Variants in UGT1A6 observed in about 807,000 individuals in gnomAD.
UGT1A6 encodes the protein UDP-glucuronosyltransferase 1A6.
Under a neutral mutation model 44.4 loss-of-function variants are expected in UGT1A6, and 32 were observed. The ratio of observed to expected loss-of-function variants is 0.72; its 90% CI spans 0.54 to 0.97. The LOEUF is 0.97. Ranked by LOEUF, UGT1A6 falls within the 50% of genes least tolerant of loss-of-function variation. The probability of loss-of-function intolerance (pLI) is 0.00; values close to 1 mark genes in which losing one functional copy is unlikely to be tolerated. For synonymous variants in UGT1A6, 238 were observed against 248.5 expected (o/e 0.96, Z 0.40); for missense variants, 685 against 661.9 (o/e 1.03, Z -0.38).
chr2:233,771,102 C>T (rs1210654201), intron 4 of UGT1A6: 9 of 152,162 alleles, frequency 5.9e-5, no homozygotes, highest in Non-Finnish European at 1.3e-4. Context: ...AGGAAGACAG[C>T]ACTAAAGCAC....
At chr2:233,756,690 C>G (rs1266086020) in intron 1 of UGT1A6, among the ~76,000 whole-genome samples, 2 of 152,102 alleles carry the variant, frequency 1.3e-5, no homozygotes, top group Non-Finnish European at 2.9e-5. Flanking sequence ...TATATAATGA[C>G]GATGAATTTT....
rs1474583069 is a variant in UGT1A6, at chr2:233,693,013, C to A, written c.9C>A (p.Cys3Ter). The A allele has an allele frequency of 6.2e-7, 1 of 1,614,116 alleles. No homozygotes were observed. Among genetic ancestry groups the A allele is most frequent in the Non-Finnish European group, 8.5e-7 (1 of 1,180,018 alleles). The change falls in exon 1 of 5, where the codon TGC becomes TGA. Residue 3 changes from cysteine to a stop codon, truncating the protein, a stop_gained. Coordinates refer to ENST00000305139, the MANE Select transcript of UGT1A6 (RefSeq NM_001072.4). LOFTEE classifies it high-confidence loss of function. The part of the protein sequence containing the change: MA[C>*]LLRSFQRISA... ...CTTTAACTCTTTCCAGGATGGCCTG[C>A]CTCCTTCGCTCATTTCAGAGAATTT...
In UGT1A6 at chr2:233,769,857, CAA is replaced by C. The variant is rs879204025; in HGVS notation, c.1301+1434_1301+1435del. The C allele has an allele frequency of 0.032, 7,144 of 220,908 alleles. No individual in the cohort carries two copies. The highest frequency in any genetic ancestry group is 0.048 in the South Asian group (428 of 8,924). The allele number at this position is 220,908 out of a possible 1,614,324, so 13.7% of individuals were successfully genotyped here. Reference sequence around the variant, plus strand: ...TGGGCAACAGAGTGAGACCCTGTCTCAAAAAAAAAAAAAAAAATGAAAAGTCC... The same window carrying C: ...TGGGCAACAGAGTGAGACCCTGTCTCAAAAAAAAAAAAAAATGAAAAGTCC... On this transcript the variant is annotated intron_variant, in intron 4 of 4. Transcript: ENST00000305139. The surrounding 1 kb of genome is among the most constrained non-coding windows in gnomAD (Gnocchi z 4.4).
intron 1 of UGT1A6, chr2:233,712,902 G>A (rs1351189678): frequency 6.2e-7 from 1 of 1,609,502 alleles, no homozygotes; most frequent in Non-Finnish European, 8.5e-7. Context: ...TTTGCTAGGT[G>A]TCTCAGTGAC....
intron 1 of UGT1A6, among the ~76,000 whole-genome samples, chr2:233,709,579 A>G (rs936977036): frequency 6.6e-6 from 1 of 152,240 alleles, no homozygotes; most frequent in African/African-American, 2.4e-5. Flanking sequence ...AATTCAAAAA[A>G]TATACCAGGA....
At chr2:233,721,763 T>A in intron 1 of UGT1A6, 1 of 476,760 alleles carries the variant, frequency 2.1e-6, no homozygotes, top group African/African-American at 2.0e-5. Context: ...TCTAAATTGT[T>A]ATATTTAGCA....
intron 1 of UGT1A6, among the ~76,000 whole-genome samples, chr2:233,745,757 G>C (rs1464205566): frequency 6.7e-6 from 1 of 150,374 alleles, no homozygotes; most frequent in Non-Finnish European, 1.5e-5. Context: ...AGCAGAAGGG[G>C]TGGAGAGGAG....
rs35802766 is a variant in UGT1A6, at chr2:233,761,211, C to T, written c.862-5823C>T. Reference sequence around the variant, plus strand: ...TTCTTTCAGATGTATTACTTTGGATCGATTAACTAGCCCCAGATATATGCT... The same window carrying T: ...TTCTTTCAGATGTATTACTTTGGATTGATTAACTAGCCCCAGATATATGCT... On this transcript the variant is annotated intron_variant, in intron 1 of 4. Coordinates refer to ENST00000305139, the MANE Select transcript of UGT1A6 (RefSeq NM_001072.4). 81 of 1,613,620 alleles carry T rather than the reference C, an allele frequency of 5.0e-5. No homozygotes were observed. In the East Asian group the frequency reaches 6.7e-4, roughly 13 times the overall value.
intron 1 of UGT1A6, chr2:233,718,649 C>A: frequency 6.7e-7 from 1 of 1,503,052 alleles, no homozygotes; most frequent in South Asian, 1.3e-5. Flanking sequence ...GGGCCCATAA[C>A]GAAAGGCAGT....
chr2:233,720,567 T>C (rs1348899395), intron 1 of UGT1A6, among the ~76,000 whole-genome samples: 1 of 152,160 alleles, frequency 6.6e-6, no homozygotes, highest in Non-Finnish European at 1.5e-5. Flanking sequence ...GTGGGATCTA[T>C]TCTTTTTCCA....
intron 1 of UGT1A6, among the ~76,000 whole-genome samples, chr2:233,756,863 G>A (rs956259550): frequency 6.6e-6 from 1 of 152,072 alleles, no homozygotes; most frequent in Non-Finnish European, 1.5e-5. Flanking sequence ...GGTTCATAAA[G>A]GGTATTAGGT....
In UGT1A6 at chr2:233,692,971, C is replaced by CT; in HGVS notation, c.-31dup. 1 of 1,611,844 alleles carries CT rather than the reference C, an allele frequency of 6.2e-7. No homozygotes were observed. Among genetic ancestry groups the CT allele is most frequent in the Non-Finnish European group, 8.5e-7 (1 of 1,179,248 alleles). On this transcript the variant is annotated 5_prime_UTR_variant, in exon 1 of 5. Coordinates refer to ENST00000305139, the MANE Select transcript of UGT1A6 (RefSeq NM_001072.4). ...CCCTGTGATTTGGAGAGTGAAAACTCTTTATTACCGTTGTTACTTTAACTC... is the reference window on the plus strand; with the variant it reads ...CCCTGTGATTTGGAGAGTGAAAACTCTTTTATTACCGTTGTTACTTTAACTC...
chr2:233,771,951 C>G (rs1331596370), intron 4 of UGT1A6, among the ~76,000 whole-genome samples: 6 of 152,070 alleles, frequency 3.9e-5, no homozygotes, highest in Admixed American at 2.0e-4. Context: ...CTTGTTTCTA[C>G]AAAAAATTTA....
chr2:233,735,915 C>T (rs1408003529), intron 1 of UGT1A6, among the ~76,000 whole-genome samples: 4 of 152,042 alleles, frequency 2.6e-5, no homozygotes, highest in South Asian at 4.2e-4. Flanking sequence ...GTGGGTAACC[C>T]GACCTTTCTC....
At chr2:233,697,107 A>G (rs989026707) in intron 1 of UGT1A6, among the ~76,000 whole-genome samples, 1 of 152,102 alleles carries the variant, frequency 6.6e-6, no homozygotes, top group African/African-American at 2.4e-5. Flanking sequence ...TGAGTTTGGA[A>G]GTATTCTCTC....
At chr2:233,760,161 T>G (rs768792415) in intron 1 of UGT1A6, 27 of 1,512,160 alleles carry the variant, frequency 1.8e-5, no homozygotes, top group Non-Finnish European at 2.3e-5. Context: ...CCTGCTACCT[T>G]TGTGGACTGA....
intron 1 of UGT1A6, chr2:233,754,842 G>A (rs1695608877): frequency 7.4e-7 from 1 of 1,343,156 alleles, no homozygotes; most frequent in Non-Finnish European, 1.0e-6. Context: ...TTCACTGAAG[G>A]CAGAGAAAAG....
intron 1 of UGT1A6, among the ~76,000 whole-genome samples, chr2:233,724,293 C>T (rs1226718888): frequency 6.7e-5 from 9 of 135,040 alleles, no homozygotes; most frequent in East Asian, 2.4e-4. Context: ...GGGGGCTGAC[C>T]CCCCCACCTC....
intron 1 of UGT1A6, chr2:233,754,450 G>A (rs1695489030): frequency 5.7e-6 from 2 of 352,214 alleles, no homozygotes; most frequent in Non-Finnish European, 1.1e-5. Context: ...TAAATTCTTG[G>A]GTACAGCTGT....
Sources: gnomAD v4.1 joint callset for allele counts (sites outside exome capture counted in the v4.1 genomes callset) on GRCh38, gnomAD v4.1.1 for gene constraint, Gnocchi (gnomAD v3.1) non-coding constraint, MANE v1.5 for transcripts, NCBI Gene and HGNC (gene_info 2026-07-23, HGNC 2026-07-21) for gene names.